LPP: variants seen among roughly 807,000 people sequenced by gnomAD.
The protein encoded by LPP is lipoma-preferred partner.
A neutral mutation model predicts 60.4 loss-of-function variants in LPP; 38 were observed. That is an observed-to-expected ratio of 0.63 (90% confidence interval 0.49 to 0.83). The LOEUF (loss-of-function observed/expected upper bound fraction) is 0.83. Ranked by LOEUF, LPP falls within the 40% of genes least tolerant of loss-of-function variation. The pLI is 0.00. For missense variants in LPP, 902 were observed against 783.6 expected, an observed-to-expected ratio of 1.15 and a Z score of -1.80; for synonymous variants, 328 against 290.8, an observed-to-expected ratio of 1.13 and a Z score of -1.30.
At chr3:188,656,796 T>G (rs529287567) in intron 7 of LPP, among the ~76,000 whole-genome samples, 2 of 152,132 alleles carry the variant, frequency 1.3e-5, no homozygotes, top group Admixed American at 6.5e-5. Flanking sequence ...ATACCTAACA[T>G]TGGCATTGCA....
At chr3:188,700,220 C>G (rs1383644923) in intron 7 of LPP, among the ~76,000 whole-genome samples, 1 of 152,068 alleles carries the variant, frequency 6.6e-6, no homozygotes, top group Non-Finnish European at 1.5e-5. Context: ...GGTGTTTTAT[C>G]CGCCTGAGCG....
intron 6 of LPP, among the ~76,000 whole-genome samples, chr3:188,565,825 G>A (rs977132841): frequency 6.6e-6 from 1 of 151,960 alleles, no homozygotes; most frequent in Non-Finnish European, 1.5e-5. Flanking sequence ...TTATAAACAT[G>A]TACTACTGGA....
intron 7 of LPP, among the ~76,000 whole-genome samples, chr3:188,638,464 A>G (rs1849315179): frequency 7.1e-6 from 1 of 141,216 alleles, no homozygotes; most frequent in African/African-American, 2.7e-5. Context: ...CAAGACAGGG[A>G]TGCCCTCTCT....
intron 3 of LPP, among the ~76,000 whole-genome samples, chr3:188,342,659 A>T (rs1183643949): frequency 6.6e-6 from 1 of 152,214 alleles, no homozygotes; most frequent in African/African-American, 2.4e-5. Flanking sequence ...TATGACCTCG[A>T]ACTGCAACCA....
At chr3:188,645,294 G>GGA (rs142597452) in intron 7 of LPP, among the ~76,000 whole-genome samples, 4 of 145,902 alleles carry the variant, frequency 2.7e-5, no homozygotes, top group African/African-American at 8.2e-5. Flanking sequence ...AGGAAGGGTT[G>GGA]GAGAGAGAGA....
At chr3:188,786,107 C>T (rs1448044672) in intron 9 of LPP, among the ~76,000 whole-genome samples, 3 of 151,982 alleles carry the variant, frequency 2.0e-5, no homozygotes, top group Admixed American at 1.3e-4. Flanking sequence ...AGGCTGGGCC[C>T]GGTGGCTCAT....
At chr3:188,626,710 T>G (rs1372817542) in intron 7 of LPP, among the ~76,000 whole-genome samples, 1 of 152,136 alleles carries the variant, frequency 6.6e-6, no homozygotes, top group African/African-American at 2.4e-5. Flanking sequence ...ACCCTAGTGC[T>G]CTCATTTTAA....
At chr3:188,464,979 G>GAAAA (rs35304055) in intron 4 of LPP, among the ~76,000 whole-genome samples, 8 of 102,986 alleles carry the variant, frequency 7.8e-5, no homozygotes, top group South Asian at 3.3e-4. Flanking sequence ...GCTTACTATG[G>GAAAA]AAAAAAAAAA....
chr3:188,185,483 G>A (rs1467228309), intron 1 of LPP, among the ~76,000 whole-genome samples: 2 of 151,848 alleles, frequency 1.3e-5, no homozygotes, highest in African/African-American at 2.4e-5. Flanking sequence ...AGTTTATAGA[G>A]TGGATAACTC....
At position 188,610,029 on chromosome 3, in the gene LPP, G is replaced by A. The variant is rs1172361527; in HGVS notation, c.1113+185G>A. On this transcript the variant is annotated intron_variant, in intron 7 of 11. Transcript: ENST00000617246. The surrounding 1 kb of genome is among the most constrained non-coding windows in gnomAD (Gnocchi z 4.4). ...GACTACTTAGTATGTTACTAATATGGCCACTGTTTAGTATCAAATGGAATT... is the reference window on the plus strand; with the variant it reads ...GACTACTTAGTATGTTACTAATATGACCACTGTTTAGTATCAAATGGAATT... 6.6e-6 allele frequency among the ~76,000 whole-genome samples: 1 copy of A among 152,138 alleles called. No individual in the cohort carries two copies. The highest frequency in any genetic ancestry group is 1.5e-5 in the Non-Finnish European group (1 of 68,030).
At chr3:188,722,053 T>C (rs936979492) in intron 8 of LPP, among the ~76,000 whole-genome samples, 1 of 152,198 alleles carries the variant, frequency 6.6e-6, no homozygotes, top group Admixed American at 6.5e-5. Flanking sequence ...CTCAGAGTTC[T>C]GGAGAATTGT....
intron 4 of LPP, among the ~76,000 whole-genome samples, chr3:188,445,761 C>T (rs1308885135): frequency 6.6e-6 from 1 of 152,092 alleles, no homozygotes; most frequent in African/African-American, 2.4e-5. Context: ...AGTATTTGCT[C>T]TCCTGATAGA....
chr3:188,494,362 C>A (rs1809322044), intron 5 of LPP, among the ~76,000 whole-genome samples: 1 of 152,140 alleles, frequency 6.6e-6, no homozygotes, highest in African/African-American at 2.4e-5. Flanking sequence ...CTTTGATTTC[C>A]TCCCTCATTG....
chr3:188,265,068 G>C (rs1735008832), intron 2 of LPP, among the ~76,000 whole-genome samples: 1 of 152,162 alleles, frequency 6.6e-6, no homozygotes, highest in Non-Finnish European at 1.5e-5. Flanking sequence ...AAGCAGGAGA[G>C]AAGCATTGAA....
chr3:188,455,882 T>TA (rs916292269), intron 4 of LPP, among the ~76,000 whole-genome samples: 3 of 152,020 alleles, frequency 2.0e-5, no homozygotes, highest in South Asian at 2.1e-4. Context: ...ACTTGGCATT[T>TA]AAAAAAAAAT....
At chr3:188,160,644 C>T (rs550561109) in intron 1 of LPP, among the ~76,000 whole-genome samples, 1 of 152,206 alleles carries the variant, frequency 6.6e-6, no homozygotes, top group Non-Finnish European at 1.5e-5. Flanking sequence ...CTCCTTAACC[C>T]TTCCAACCCA....
intron 2 of LPP, among the ~76,000 whole-genome samples, chr3:188,329,059 G>A (rs1759251320): frequency 6.6e-6 from 1 of 152,112 alleles, no homozygotes; most frequent in African/African-American, 2.4e-5. Flanking sequence ...TCAACACAGG[G>A]AAACGGCTTC....
rs559332836 is a variant in LPP at position 188,835,511 on chromosome 3, C to T, written c.1411-30689C>T. On this transcript the variant is annotated intron_variant, in intron 9 of 11. Transcript: ENST00000617246. ...GCAGATGCCTGTAATCCTAGCTACTCGGGAGGCGGAGGCAGGAGAATCACT... is the reference window on the plus strand; with the variant it reads ...GCAGATGCCTGTAATCCTAGCTACTTGGGAGGCGGAGGCAGGAGAATCACT... Among the ~76,000 whole-genome samples, 27 of 151,658 alleles carry T rather than the reference C, an allele frequency of 1.8e-4. 1 individual carries two copies. The South Asian group carries it at 5.2e-3, about 29-fold the overall frequency.
intron 9 of LPP, among the ~76,000 whole-genome samples, chr3:188,842,222 C>A (rs1415443354): frequency 6.6e-6 from 1 of 152,196 alleles, no homozygotes; most frequent in Non-Finnish European, 1.5e-5. Flanking sequence ...GCCATTTTAA[C>A]TGAGGCAAAA....
Sources: allele counts gnomAD v4.1 joint callset (sites outside exome capture counted in the v4.1 genomes callset), GRCh38; gene constraint gnomAD v4.1.1; non-coding constraint Gnocchi (gnomAD v3.1); transcripts MANE v1.5; gene names NCBI Gene and HGNC (gene_info 2026-07-23, HGNC 2026-07-21).